Variants in CWC27 observed in about 807,000 individuals in gnomAD.
The protein encoded by CWC27 is spliceosome-associated protein CWC27 homolog.
Under a neutral mutation model 63.6 loss-of-function variants are expected in CWC27, and 47 were observed. That is an observed-to-expected ratio of 0.74 (90% CI 0.58 to 0.94). The LOEUF (loss-of-function observed/expected upper bound fraction) is 0.94. CWC27 is among the 40% of genes least tolerant of loss of function. CWC27 has a pLI of 0.00. For synonymous variants in CWC27, 175 were observed against 179.8 expected (o/e 0.97, Z 0.22); for missense variants, 495 against 554.3 (o/e 0.89, Z 1.07).
intron 10 of CWC27, among the ~76,000 whole-genome samples, chr5:64,839,197 A>G (rs1021290974): frequency 2.0e-5 from 3 of 152,188 alleles, no homozygotes; most frequent in Non-Finnish European, 2.9e-5. Flanking sequence ...GGTGCACAGA[A>G]TTTAGATATA....
chr5:64,862,041 G>C (rs1174341512), intron 10 of CWC27, among the ~76,000 whole-genome samples: 1 of 152,230 alleles, frequency 6.6e-6, no homozygotes, highest in Non-Finnish European at 1.5e-5. Flanking sequence ...TAGATATCAA[G>C]TAGGTTTATG....
chr5:64,907,220 T>A (rs1332903462), intron 11 of CWC27, among the ~76,000 whole-genome samples: 2 of 152,230 alleles, frequency 1.3e-5, no homozygotes, highest in African/African-American at 2.4e-5. Flanking sequence ...ATTGGTAGCT[T>A]GATGGGGATG....
At chr5:64,860,827 C>T (rs1186774438) in intron 10 of CWC27, among the ~76,000 whole-genome samples, 1 of 152,034 alleles carries the variant, frequency 6.6e-6, no homozygotes, top group African/African-American at 2.4e-5. Flanking sequence ...ACTGTGAGTG[C>T]TCTTGGTATG....
chr5:64,864,622 GTTAT>G (rs1359465209), intron 10 of CWC27, among the ~76,000 whole-genome samples: 1 of 152,038 alleles, frequency 6.6e-6, no homozygotes, highest in African/African-American at 2.4e-5. Context: ...CATAATTAGT[GTTAT>G]TTGTTATAAA....
intron 10 of CWC27, among the ~76,000 whole-genome samples, chr5:64,835,537 A>C (rs67358182): frequency 0.16 from 24,495 of 151,814 alleles, 2,417 homozygotes; most frequent in East Asian, 0.34. Context: ...AAATAGCTCT[A>C]TATTTCTCTA....
intron 13 of CWC27, among the ~76,000 whole-genome samples, chr5:64,997,178 A>G (rs1561183776): frequency 6.6e-6 from 1 of 152,176 alleles, no homozygotes; most frequent in Non-Finnish European, 1.5e-5. Context: ...TCATAGGAAT[A>G]TAAATAGTAG....
chr5:64,870,613 A>G (rs1746647163), intron 10 of CWC27, among the ~76,000 whole-genome samples: 1 of 152,240 alleles, frequency 6.6e-6, no homozygotes, highest in Non-Finnish European at 1.5e-5. Flanking sequence ...ATGATGAATC[A>G]TAATGTCTAC....
chr5:64,903,012 TAGTC>T (rs748831966), intron 11 of CWC27, among the ~76,000 whole-genome samples: 13 of 152,250 alleles, frequency 8.5e-5, no homozygotes, highest in Non-Finnish European at 1.9e-4. Context: ...TTGATAGACT[TAGTC>T]AGGAAACAAC....
chr5:64,905,148 C>T (rs1747600168), intron 11 of CWC27, among the ~76,000 whole-genome samples: 1 of 146,492 alleles, frequency 6.8e-6, no homozygotes, highest in Non-Finnish European at 1.5e-5. Context: ...TTGCAGTGAG[C>T]CGAGATTGCA....
chr5:64,904,795 A>G (rs901793969), intron 11 of CWC27, among the ~76,000 whole-genome samples: 2 of 152,200 alleles, frequency 1.3e-5, no homozygotes, highest in African/African-American at 2.4e-5. Context: ...TCAGATAAGG[A>G]TTGGAATAGA....
chr5:64,782,015 C>A lies in CWC27; in HGVS notation c.234C>A (p.Ile78=). 1 of 1,545,014 alleles carries A rather than the reference C, an allele frequency of 6.5e-7. No homozygotes were observed. Among genetic ancestry groups the A allele is most frequent in the Non-Finnish European group, 8.8e-7 (1 of 1,130,434 alleles). ...PTGTGSGGES[I]YGAPFKDEFH... is the part of the protein sequence containing the mutation. Reference sequence around the variant, plus strand: ...GCACAGGGAGTGGTGGAGAGTCTATCTATGGAGCGCCATTCAAAGTAAGAC... The same window carrying A: ...GCACAGGGAGTGGTGGAGAGTCTATATATGGAGCGCCATTCAAAGTAAGAC... The change falls in exon 3 of 14, where the codon ATC becomes ATA. Residue 78 remains isoleucine (I), a synonymous_variant. Transcript: ENST00000381070.
chr5:64,802,429 G>A lies in CWC27; in HGVS notation c.780+1097G>A, dbSNP rs543192867. On this transcript the variant is annotated intron_variant, in intron 9 of 13. Coordinates refer to ENST00000381070, the MANE Select transcript of CWC27 (RefSeq NM_005869.4). ...GGTTTGAGTTTTTTCCTAAAAGGAA[G>A]TGAGGAACAGTTGAAAGGTGTTTGT... is the stretch of plus-strand genomic sequence containing the variant. Among the ~76,000 whole-genome samples the A allele has an allele frequency of 3.3e-5, 5 of 152,290 alleles. No individual in the cohort carries two copies. In the East Asian group the frequency reaches 9.7e-4, roughly 29 times the overall value.
At position 64,927,952 on chromosome 5, in the gene CWC27, C is replaced by T. The variant is rs190583577; in HGVS notation, c.1042+42406C>T. ...GGTGGATCACCTGAGGTCAGGAGTT[C>T]GAGACCAGCCTGGACAACATGGTAA... On this transcript the variant is annotated intron_variant, in intron 11 of 13. Coordinates refer to ENST00000381070, the MANE Select transcript of CWC27 (RefSeq NM_005869.4). 7.1e-4 allele frequency among the ~76,000 whole-genome samples: 108 copies of T among 152,192 alleles called. 1 individual carries two copies. In the East Asian group the frequency reaches 0.018, roughly 26 times the overall value.
intron 11 of CWC27, among the ~76,000 whole-genome samples, chr5:64,920,013 T>C (rs1172409893): frequency 6.6e-6 from 1 of 152,224 alleles, no homozygotes; most frequent in East Asian, 1.9e-4. Flanking sequence ...CCGAACTAAT[T>C]TATATTCCCA....
rs150079691 is a variant in CWC27 at position 64,792,805 on chromosome 5, T to C, written c.669+3785T>C. 2.6e-4 allele frequency among the ~76,000 whole-genome samples: 40 copies of C among 152,260 alleles called. No homozygotes were observed. The East Asian group carries it at 6.8e-3, about 26-fold the overall frequency. On this transcript the variant is annotated intron_variant, in intron 7 of 13. Transcript: ENST00000381070. ...GGATTTGGGATCATACAAATTCATATTAAAACTTTAATTTCCCCTGACACC... is the reference window on the plus strand; with the variant it reads ...GGATTTGGGATCATACAAATTCATACTAAAACTTTAATTTCCCCTGACACC...
chr5:64,979,982 A>AG (rs1178528046), intron 13 of CWC27, among the ~76,000 whole-genome samples: 6 of 151,932 alleles, frequency 3.9e-5, no homozygotes, highest in Admixed American at 3.9e-4. Flanking sequence ...AAAAAAAAAA[A>AG]AAAGAGAGAG....
chr5:64,927,590 C>T (rs1019719831), intron 11 of CWC27, among the ~76,000 whole-genome samples: 5 of 152,092 alleles, frequency 3.3e-5, no homozygotes, highest in Non-Finnish European at 7.3e-5. Context: ...ACCCCACTTT[C>T]CACATCTTCA....
chr5:64,785,636 A>T (rs1236737802), intron 5 of CWC27, 57 bp downstream of exon 5: 6 of 1,071,198 alleles, frequency 5.6e-6, no homozygotes. Context: ...AGAGGAATTG[A>T]TTCTTAGTAT....
intron 7 of CWC27, among the ~76,000 whole-genome samples, chr5:64,793,825 C>G (rs1168251866): frequency 1.3e-5 from 2 of 152,084 alleles, no homozygotes; most frequent in African/African-American, 2.4e-5. Context: ...TGCCCGATCA[C>G]AAGTTAATAA....
Sources: allele counts gnomAD v4.1 joint callset (sites outside exome capture counted in the v4.1 genomes callset), GRCh38; gene constraint gnomAD v4.1.1; transcripts MANE v1.5; gene names NCBI Gene and HGNC (gene_info 2026-07-23, HGNC 2026-07-21).